The following SBF2 variants were observed in gnomAD, a reference collection of about 807,000 sequenced individuals.
SBF2 encodes the protein SET binding factor 2.
SBF2 carries 112 observed loss-of-function variants against 225.2 expected under a neutral mutation model. The ratio of observed to expected loss-of-function variants is 0.50; its 90% CI spans 0.43 to 0.58. The LOEUF (loss-of-function observed/expected upper bound fraction) is 0.58. Among genes scored for constraint, SBF2 ranks in the 20% least tolerant of loss-of-function variants. The probability of loss-of-function intolerance (pLI) is 0.00; values close to 1 mark genes in which losing one functional copy is unlikely to be tolerated. For synonymous variants in SBF2, 763 were observed against 773.3 expected, an observed-to-expected ratio of 0.99 and a Z score of 0.22; for missense variants, 1,996 against 2,206.2, an observed-to-expected ratio of 0.90 and a Z score of 1.91.
At position 9,784,268 on chromosome 11, in the gene SBF2, A is replaced by G. The variant is rs916278703; in HGVS notation, c.5319+83T>C. 24 of 1,025,994 alleles carry G rather than the reference A, an allele frequency of 2.3e-5. No individual in the cohort carries two copies. The Middle Eastern group carries it at 6.1e-4, about 26-fold the overall frequency. The allele number at this position is 1,025,994 out of a possible 1,614,324, so 63.6% of individuals were successfully genotyped here. ...AAAGCAGTCTGTACATGAGGAATCT[A>G]TCTGTCTGCTAGAGCCACATAATAG... On this transcript the variant is annotated intron_variant, in intron 38 of 39. Coordinates refer to ENST00000256190, the MANE Select transcript of SBF2 (RefSeq NM_030962.4).
At chr11:10,063,333 T>C (rs560680435) in intron 2 of SBF2, among the ~76,000 whole-genome samples, 2 of 129,356 alleles carry the variant, frequency 1.5e-5, no homozygotes, top group African/African-American at 5.2e-5. Context: ...AAAAAATATA[T>C]ATATATATAT....
At chr11:10,186,188 G>C (rs1417283853) in intron 2 of SBF2, among the ~76,000 whole-genome samples, 1 of 152,210 alleles carries the variant, frequency 6.6e-6, no homozygotes, top group East Asian at 1.9e-4. Flanking sequence ...GATATACAGA[G>C]TGAGGTATGG....
chr11:10,140,846 G>A (rs1384744288), intron 2 of SBF2, among the ~76,000 whole-genome samples: 4 of 130,206 alleles, frequency 3.1e-5, no homozygotes, highest in Non-Finnish European at 6.6e-5. Flanking sequence ...GGTGTCAGAG[G>A]TTGGAAATTG....
chr11:9,858,715 G>A (rs1006971965), intron 17 of SBF2, among the ~76,000 whole-genome samples: 2 of 152,088 alleles, frequency 1.3e-5, no homozygotes, highest in Non-Finnish European at 2.9e-5. Flanking sequence ...ATTACAATTA[G>A]GGCATATAAT....
chr11:9,939,590 A>G (rs1373433811), intron 16 of SBF2, among the ~76,000 whole-genome samples: 2 of 152,142 alleles, frequency 1.3e-5, no homozygotes, highest in Non-Finnish European at 2.9e-5. Context: ...CTTTATATGT[A>G]CTTTTACCAC....
intron 16 of SBF2, among the ~76,000 whole-genome samples, chr11:9,928,065 T>C (rs1162957245): frequency 6.6e-6 from 1 of 152,156 alleles, no homozygotes; most frequent in Non-Finnish European, 1.5e-5. Flanking sequence ...ACTTCTTAGA[T>C]ATGATACCAA....
At chr11:10,224,563 C>T (rs1227621235) in intron 1 of SBF2, among the ~76,000 whole-genome samples, 1 of 152,146 alleles carries the variant, frequency 6.6e-6, no homozygotes, top group Non-Finnish European at 1.5e-5. Flanking sequence ...TATATTCCAG[C>T]CACAGAAGCA....
At chr11:10,293,881 G>T in intron 1 of SBF2, 134 bp downstream of exon 1, 1 of 595,970 alleles carries the variant, frequency 1.7e-6, no homozygotes, top group East Asian at 3.9e-5. Flanking sequence ...AAGGCCGGAC[G>T]CCGACCGCCC....
chr11:10,042,548 G>A (rs1004487781), intron 3 of SBF2, among the ~76,000 whole-genome samples: 7 of 152,148 alleles, frequency 4.6e-5, no homozygotes, highest in Non-Finnish European at 4.4e-5. Context: ...GGCTGGCAGG[G>A]AAAATCACAG....
chr11:10,302,434 G>A (rs1020025167), intron 1 of SBF2, among the ~76,000 whole-genome samples: 1 of 152,250 alleles, frequency 6.6e-6, no homozygotes, highest in Non-Finnish European at 1.5e-5. Context: ...GCCAATCCAA[G>A]ATTTTACTTA....
chr11:10,045,478 A>C (rs1161132236), intron 2 of SBF2, among the ~76,000 whole-genome samples: 5 of 152,162 alleles, frequency 3.3e-5, no homozygotes, highest in Non-Finnish European at 7.4e-5. Flanking sequence ...ATTGCTTTTC[A>C]AAAACCAAGG....
At chr11:10,060,085 T>C (rs1352013733) in intron 2 of SBF2, among the ~76,000 whole-genome samples, 1 of 151,950 alleles carries the variant, frequency 6.6e-6, no homozygotes, top group African/African-American at 2.4e-5. Flanking sequence ...GGATCAATAA[T>C]CCAGGAATTG....
intron 2 of SBF2, among the ~76,000 whole-genome samples, chr11:10,125,495 A>G (rs1268160265): frequency 6.6e-6 from 1 of 152,224 alleles, no homozygotes; most frequent in Non-Finnish European, 1.5e-5. Flanking sequence ...CAGTAAGTCT[A>G]TAAAACTACA....
intron 22 of SBF2, among the ~76,000 whole-genome samples, chr11:9,847,851 T>C (rs903587233): frequency 2.0e-5 from 3 of 152,144 alleles, no homozygotes; most frequent in African/African-American, 7.2e-5. Flanking sequence ...TATAATAATA[T>C]GTGGTTAGCT....
intron 22 of SBF2, among the ~76,000 whole-genome samples, chr11:9,847,815 C>T (rs1371643544): frequency 6.6e-6 from 1 of 152,062 alleles, no homozygotes; most frequent in Admixed American, 6.6e-5. Flanking sequence ...TTCCAATTTC[C>T]CGTGGGAGGA....
intron 16 of SBF2, among the ~76,000 whole-genome samples, chr11:9,934,742 A>T (rs1864757331): frequency 6.6e-6 from 1 of 152,238 alleles, no homozygotes; most frequent in Admixed American, 6.5e-5. Context: ...AAGGCCTTTG[A>T]CAAAATTCAA....
chr11:10,223,399 T>TTATATA (rs3074175), intron 1 of SBF2, among the ~76,000 whole-genome samples: 1,650 of 58,686 alleles, frequency 0.028, 107 homozygotes, highest in Non-Finnish European at 0.033. Context: ...ATTTTGCACA[T>TTATATA]TATATATATA....
intron 21 of SBF2, among the ~76,000 whole-genome samples, chr11:9,852,338 T>C (rs1857018135): frequency 6.6e-6 from 1 of 151,914 alleles, no homozygotes; most frequent in South Asian, 2.1e-4. Flanking sequence ...AAATCCTTTT[T>C]GGTGGTGGGG....
intron 16 of SBF2, among the ~76,000 whole-genome samples, chr11:9,942,824 G>A (rs1302170843): frequency 6.7e-6 from 1 of 149,920 alleles, no homozygotes; most frequent in Non-Finnish European, 1.5e-5. Flanking sequence ...GAGTAAGAGA[G>A]TAAGACCCTG....
Sources: gnomAD v4.1 joint callset for allele counts (sites outside exome capture counted in the v4.1 genomes callset) on GRCh38, gnomAD v4.1.1 for gene constraint, MANE v1.5 for transcripts, NCBI Gene and HGNC (gene_info 2026-07-23, HGNC 2026-07-21) for gene names.